SLC30A4: variants seen among roughly 807,000 people sequenced by gnomAD.
SLC30A4 encodes the protein probable proton-coupled zinc antiporter SLC30A4.
In SLC30A4, 20 loss-of-function variants were observed where a neutral mutation model predicts 41.7. The ratio of observed to expected loss-of-function variants is 0.48; its 90% confidence interval spans 0.34 to 0.70. The LOEUF is 0.70. Ranked by LOEUF, SLC30A4 falls within the 30% of genes least tolerant of loss-of-function variation. The pLI is 0.01. For missense variants in SLC30A4, 441 were observed against 529.3 expected, an observed-to-expected ratio of 0.83 and a Z score of 1.64; for synonymous variants, 181 against 195.9, an observed-to-expected ratio of 0.92 and a Z score of 0.64.
At chr15:45,519,013 C>T (rs1322029022) in intron 2 of SLC30A4, among the ~76,000 whole-genome samples, 3 of 151,816 alleles carry the variant, frequency 2.0e-5, no homozygotes, top group African/African-American at 4.8e-5. Context: ...CTCACTGCAA[C>T]CTCTGCCTCC....
At position 45,511,249 on chromosome 15, in the gene SLC30A4, C is replaced by T. The variant is rs1205254363; in HGVS notation, c.427G>A (p.Asp143Asn). 1.2e-6 allele frequency: 2 copies of T among 1,611,492 alleles called. No homozygotes were observed. The highest frequency in any genetic ancestry group is 1.7e-6 in the Non-Finnish European group (2 of 1,178,484). The change falls in exon 3 of 8, where the codon GAT becomes AAT. Residue 143 changes from aspartate to asparagine, a missense_variant. Physicochemically the swap from Asp to Asn is conservative, Grantham distance 23. Transcript: ENST00000261867. ...AGGTCAGTTAACATATGAAGTGCAT[C>T]TGTCATGATTGCTAGGCTATTTGCA... is the stretch of plus-strand genomic sequence containing the variant. ...YIANSLAIMT[D>N]ALHMLTDLSA...
At chr15:45,509,533 C>T (rs941573307) in intron 3 of SLC30A4, among the ~76,000 whole-genome samples, 1 of 151,984 alleles carries the variant, frequency 6.6e-6, no homozygotes, top group Non-Finnish European at 1.5e-5. Context: ...GGATTACAGA[C>T]GTGAGCCACC....
chr15:45,504,016 G>A (rs1892097834), intron 3 of SLC30A4, among the ~76,000 whole-genome samples: 1 of 152,090 alleles, frequency 6.6e-6, no homozygotes, highest in Non-Finnish European at 1.5e-5. Context: ...TTGGGTTACA[G>A]AAGAAACAAA....
At chr15:45,505,270 A>G (rs947725820) in intron 3 of SLC30A4, among the ~76,000 whole-genome samples, 6 of 151,666 alleles carry the variant, frequency 4.0e-5, no homozygotes, top group South Asian at 4.1e-4. Flanking sequence ...GAAAAGAAAA[A>G]AAAAGGCTAC....
intron 3 of SLC30A4, among the ~76,000 whole-genome samples, chr15:45,503,861 G>A (rs755438449): frequency 1.1e-4 from 16 of 152,082 alleles, no homozygotes; most frequent in Non-Finnish European, 1.8e-4. Flanking sequence ...CAGGAGAATC[G>A]CTTGAACCCA....
Position 45,484,330 on chromosome 15 carries a change from G to C in SLC30A4, c.*833C>G, listed in dbSNP as rs1357666783. ...AGACAATTTCATGAATGATAAAAGT[G>C]ATGTCGGGAAGACATAAACCTGAAA... On this transcript the variant is annotated 3_prime_UTR_variant, in exon 8 of 8. Coordinates refer to ENST00000261867, the MANE Select transcript of SLC30A4 (RefSeq NM_013309.6). The C allele has an allele frequency of 6.6e-6, 1 of 152,316 alleles. No homozygotes were observed. Among genetic ancestry groups the C allele is most frequent in the African/African-American group, 2.4e-5 (1 of 41,570 alleles). 9.4% of individuals were successfully genotyped at this position (152,316 alleles called of 1,614,324 possible). A position where few individuals can be genotyped will look rare whatever the true frequency, so the allele number is the denominator to read the frequency against.
In SLC30A4 at chr15:45,483,463, G is replaced by T. The variant is rs375929054; in HGVS notation, c.*1700C>A. The T allele has an allele frequency of 3.3e-5, 5 of 152,316 alleles. No homozygotes were observed. The highest frequency in any genetic ancestry group is 1.2e-4 in the African/African-American group (5 of 41,578). 9.4% of individuals were successfully genotyped at this position (152,316 alleles called of 1,614,324 possible). A position where few individuals can be genotyped will look rare whatever the true frequency, so the allele number is the denominator to read the frequency against. On this transcript the variant is annotated 3_prime_UTR_variant, in exon 8 of 8. Transcript: ENST00000261867. ...ATGGTTGCAAAATGAAACATGAACA[G>T]TCAAGCTGCCTCTTTAACACAGGCA...
chr15:45,517,214 A>G (rs1157272929), intron 2 of SLC30A4, among the ~76,000 whole-genome samples: 1 of 151,858 alleles, frequency 6.6e-6, no homozygotes, highest in Non-Finnish European at 1.5e-5. Flanking sequence ...TGGAGTTCCT[A>G]GAGACTTGGG....
At chr15:45,511,333 A>G (rs761902513) in intron 2 of SLC30A4, 49 bp from the exon 3 acceptor site, 1 of 1,402,666 alleles carries the variant, frequency 7.1e-7, no homozygotes, top group Non-Finnish European at 9.7e-7. Flanking sequence ...TTTTTTAAAA[A>G]AGCAAGCAAT....
intron 3 of SLC30A4, among the ~76,000 whole-genome samples, chr15:45,494,323 A>T (rs1380159123): frequency 6.6e-6 from 1 of 152,232 alleles, no homozygotes; most frequent in Non-Finnish European, 1.5e-5. Context: ...GGTGTAAGCC[A>T]AATAAAAAAA....
rs367616167 is a variant in SLC30A4, at chr15:45,497,687, TG to T, written c.539-6807del. On this transcript the variant is annotated intron_variant, in intron 3 of 7. Coordinates refer to ENST00000261867, the MANE Select transcript of SLC30A4 (RefSeq NM_013309.6). ...AGTTTTAATAGTACTATATGAAAAT[TG>T]TTTACTGCATATTTTAAAACATCAA... Among the ~76,000 whole-genome samples, 533 of 152,306 alleles carry T rather than the reference TG, an allele frequency of 3.5e-3. 2 individuals carry two copies. Among genetic ancestry groups the T allele is most frequent in the Admixed American group, 4.6e-3 (71 of 15,294 alleles).
chr15:45,508,140 TGGGGTGTAGGGCA>T (rs1165203172), intron 3 of SLC30A4, among the ~76,000 whole-genome samples: 1 of 152,040 alleles, frequency 6.6e-6, no homozygotes, highest in Non-Finnish European at 1.5e-5. Flanking sequence ...GTTATTAATA[TGGGGTGTAGGGCA>T]GGGCAGAGGA....
At chr15:45,495,628 C>G (rs1156276257) in intron 3 of SLC30A4, among the ~76,000 whole-genome samples, 1 of 152,200 alleles carries the variant, frequency 6.6e-6, no homozygotes, top group African/African-American at 2.4e-5. Context: ...GGCAAACCTA[C>G]ATTCAAGATA....
chr15:45,485,041 G>A lies in SLC30A4; in HGVS notation c.*122C>T. 1.4e-6 allele frequency: 1 copy of A among 715,732 alleles called. No individual in the cohort carries two copies. The highest frequency in any genetic ancestry group is 1.9e-5 in the South Asian group (1 of 52,332). 44.3% of individuals were successfully genotyped at this position (715,732 alleles called of 1,614,324 possible). On this transcript the variant is annotated 3_prime_UTR_variant, in exon 8 of 8. Coordinates refer to ENST00000261867, the MANE Select transcript of SLC30A4 (RefSeq NM_013309.6). ...GTCAGGCTGGGGCAACTGTTTGAGA[G>A]ACTGATGCTTGATACGGACACAGCT...
rs568142054 is a variant in SLC30A4, at chr15:45,485,394, G to T, written c.1136-77C>A. 1.5e-3 allele frequency: 1,421 copies of T among 928,226 alleles called. 1 individual carries two copies. The highest frequency in any genetic ancestry group is 2.2e-3 in the Non-Finnish European group (1,332 of 618,624). 57.5% of individuals were successfully genotyped at this position (928,226 alleles called of 1,614,324 possible). A position where few individuals can be genotyped will look rare whatever the true frequency, so the allele number is the denominator to read the frequency against. On this transcript the variant is annotated intron_variant, in intron 7 of 7. Coordinates refer to ENST00000261867, the MANE Select transcript of SLC30A4 (RefSeq NM_013309.6). ...ATAAGATACAGGGAAAAAAACAACT[G>T]AAATATACTGGGAATATATTTTTAT...
intron 2 of SLC30A4, among the ~76,000 whole-genome samples, chr15:45,518,286 T>C (rs971536743): frequency 6.6e-6 from 1 of 152,218 alleles, no homozygotes; most frequent in Admixed American, 6.5e-5. Flanking sequence ...TATAGTACCT[T>C]GTTCTTTTTC....
At chr15:45,501,964 T>C (rs1360914388) in intron 3 of SLC30A4, 1 of 152,190 alleles carries the variant, frequency 6.6e-6, no homozygotes, top group Non-Finnish European at 1.5e-5. Context: ...TAGAGGATGA[T>C]ACTACTAATA....
At chr15:45,485,351 T>C in intron 7 of SLC30A4, 34 bp from the exon 8 acceptor site, 1 of 1,476,796 alleles carries the variant, frequency 6.8e-7, no homozygotes. Flanking sequence ...TACTATCCAT[T>C]GTACAGTTAC....
intron 2 of SLC30A4, among the ~76,000 whole-genome samples, chr15:45,516,561 TA>T (rs750826587): frequency 4.1e-4 from 62 of 149,468 alleles, no homozygotes; most frequent in African/African-American, 1.6e-3. Context: ...TATCTTTTTT[TA>T]AAAAAATCTC....
Sources: allele counts gnomAD v4.1 joint callset (sites outside exome capture counted in the v4.1 genomes callset), GRCh38; gene constraint gnomAD v4.1.1; transcripts MANE v1.5; gene names NCBI Gene and HGNC (gene_info 2026-07-23, HGNC 2026-07-21).